The following KCNT2 variants were observed in gnomAD, a reference collection of about 807,000 sequenced individuals.
KCNT2 encodes the protein potassium sodium-activated channel subfamily T member 2.
Under a neutral mutation model 153.8 loss-of-function variants are expected in KCNT2, and 67 were observed. The observed-to-expected ratio is 0.44, with a 90% CI of 0.36 to 0.53. KCNT2 has a LOEUF of 0.53. Among genes scored for constraint, KCNT2 ranks in the 20% least tolerant of loss-of-function variants. The probability of loss-of-function intolerance (pLI) is 0.00; values close to 1 mark genes in which losing one functional copy is unlikely to be tolerated. For missense variants in KCNT2, 975 were observed against 1,354.8 expected (o/e 0.72, Z 4.40); for synonymous variants, 500 against 458.8 (o/e 1.09, Z -1.15).
chr1:196,368,401 C>T (rs1319795956), intron 14 of KCNT2, among the ~76,000 whole-genome samples: 1 of 152,110 alleles, frequency 6.6e-6, no homozygotes, highest in African/African-American at 2.4e-5. Flanking sequence ...AAAAGCTTTC[C>T]TTAACATTTC....
chr1:196,489,796 A>C (rs1394738116), intron 3 of KCNT2, 42 bp downstream of exon 3: 3 of 1,051,004 alleles, frequency 2.9e-6, no homozygotes, highest in East Asian at 4.9e-5. Flanking sequence ...AACTCAAAAT[A>C]ATCAAAATAA....
intron 12 of KCNT2, among the ~76,000 whole-genome samples, chr1:196,417,594 T>C (rs1338667677): frequency 1.3e-5 from 2 of 152,146 alleles, no homozygotes; most frequent in Non-Finnish European, 2.9e-5. Flanking sequence ...TATAATCTAC[T>C]AGCTTTCTAT....
chr1:196,551,150 T>C (rs1657841494), intron 1 of KCNT2, among the ~76,000 whole-genome samples: 2 of 151,826 alleles, frequency 1.3e-5, no homozygotes, highest in African/African-American at 4.8e-5. Flanking sequence ...CACTTTGAGA[T>C]TGATGATGAT....
At position 196,428,133 on chromosome 1, in the gene KCNT2, T is replaced by C. The variant is rs1383532075; in HGVS notation, c.956A>G (p.Asn319Ser). ...GAGCCTAGGATGAGCATAGAATTCA[T>C]TTAAAAAATCCATAAGTAAATCAAT... is the stretch of plus-strand genomic sequence containing the variant. ...LKIDLLMDFL[N>S]EFYAHPRLQD... The change falls in exon 10 of 28, where the codon AAT becomes AGT. Residue 319 changes from asparagine (N) to serine (S), a missense_variant. Physicochemically the swap from Asn to Ser is conservative, Grantham distance 46. Coordinates refer to ENST00000294725, the MANE Select transcript of KCNT2 (RefSeq NM_198503.5). 6.2e-7 allele frequency: 1 copy of C among 1,612,592 alleles called. No homozygotes were observed. Among genetic ancestry groups the C allele is most frequent in the Non-Finnish European group, 8.5e-7 (1 of 1,179,108 alleles).
chr1:196,564,436 C>G (rs945166603), intron 1 of KCNT2, among the ~76,000 whole-genome samples: 4 of 151,738 alleles, frequency 2.6e-5, no homozygotes, highest in African/African-American at 9.7e-5. Context: ...CAGTGATCTA[C>G]AGATTCATTG....
At chr1:196,375,244 C>CA (rs11371936) in intron 13 of KCNT2, among the ~76,000 whole-genome samples, 46,897 of 151,498 alleles carry the variant, frequency 0.31, 11,573 homozygotes, top group African/African-American at 0.69. Flanking sequence ...TCCTACATTT[C>CA]GATAGTCATT....
intron 1 of KCNT2, among the ~76,000 whole-genome samples, chr1:196,589,157 C>T (rs552063210): frequency 5.3e-5 from 8 of 151,848 alleles, no homozygotes; most frequent in East Asian, 3.9e-4. Flanking sequence ...AGTAGGTTTA[C>T]GTAACAATAT....
intron 12 of KCNT2, 42 bp from the exon 13 acceptor site, chr1:196,398,713 TG>T (rs1363379683): frequency 9.9e-7 from 1 of 1,011,674 alleles, no homozygotes; most frequent in African/African-American, 1.6e-5. Context: ...TAAGTTACAA[TG>T]TTTATAACAT....
At chr1:196,538,604 T>A (rs1445840419) in intron 1 of KCNT2, among the ~76,000 whole-genome samples, 1 of 152,150 alleles carries the variant, frequency 6.6e-6, no homozygotes, top group East Asian at 1.9e-4. Context: ...GATCACCTAA[T>A]GCGCCTAACG....
intron 19 of KCNT2, among the ~76,000 whole-genome samples, chr1:196,325,281 C>T (rs1285844292): frequency 2.0e-5 from 3 of 152,094 alleles, no homozygotes; most frequent in Non-Finnish European, 4.4e-5. Context: ...CACTTCCTAC[C>T]TTCCTGTCTG....
intron 13 of KCNT2, among the ~76,000 whole-genome samples, chr1:196,386,367 C>T (rs1391307252): frequency 6.6e-6 from 1 of 152,072 alleles, no homozygotes; most frequent in Admixed American, 6.6e-5. Context: ...GATAGTTATG[C>T]AGCAATATGT....
chr1:196,415,445 T>A (rs1026745712), intron 12 of KCNT2, among the ~76,000 whole-genome samples: 19 of 151,802 alleles, frequency 1.3e-4, no homozygotes, highest in Non-Finnish European at 2.5e-4. Context: ...GCTAACATTG[T>A]TAGCTATTTA....
At chr1:196,369,843 T>C (rs578191397) in intron 14 of KCNT2, among the ~76,000 whole-genome samples, 2 of 152,194 alleles carry the variant, frequency 1.3e-5, no homozygotes, top group African/African-American at 4.8e-5. Flanking sequence ...ATATACCCAG[T>C]AATGGGATGG....
At chr1:196,391,183 T>A (rs1159706306) in intron 13 of KCNT2, among the ~76,000 whole-genome samples, 2 of 151,346 alleles carry the variant, frequency 1.3e-5, no homozygotes, top group Non-Finnish European at 3.0e-5. Context: ...GGGAAGTATA[T>A]AAAAGTGCAT....
At chr1:196,548,004 T>C (rs1188325848) in intron 1 of KCNT2, among the ~76,000 whole-genome samples, 3 of 151,898 alleles carry the variant, frequency 2.0e-5, no homozygotes, top group South Asian at 2.1e-4. Context: ...TCTAAAGCCA[T>C]ATATTGAGTA....
chr1:196,353,467 G>T (rs1405747255), intron 14 of KCNT2, among the ~76,000 whole-genome samples: 1 of 151,850 alleles, frequency 6.6e-6, no homozygotes, highest in East Asian at 1.9e-4. Flanking sequence ...GCAACATGAA[G>T]GTTCCTCTCA....
intron 1 of KCNT2, among the ~76,000 whole-genome samples, chr1:196,522,987 C>T (rs1653663671): frequency 6.6e-6 from 1 of 152,232 alleles, no homozygotes; most frequent in African/African-American, 2.4e-5. Flanking sequence ...CTTGGGTCCC[C>T]TTCCATGCTG....
intron 14 of KCNT2, among the ~76,000 whole-genome samples, chr1:196,357,718 C>T (rs926495757): frequency 6.6e-6 from 1 of 151,774 alleles, no homozygotes; most frequent in African/African-American, 2.4e-5. Flanking sequence ...CTTTTAGAGG[C>T]CAAAGCTCCT....
chr1:196,437,210 A>G (rs1674776825), intron 8 of KCNT2, among the ~76,000 whole-genome samples: 1 of 111,158 alleles, frequency 9.0e-6, no homozygotes, highest in African/African-American at 3.4e-5. Flanking sequence ...AACTACCAAA[A>G]CCAAGTATTT....
Sources: gnomAD v4.1 joint callset for allele counts (sites outside exome capture counted in the v4.1 genomes callset) on GRCh38, gnomAD v4.1.1 for gene constraint, MANE v1.5 for transcripts, NCBI Gene and HGNC (gene_info 2026-07-23, HGNC 2026-07-21) for gene names.